The following GRIN2A variants were observed in gnomAD, a reference collection of about 807,000 sequenced individuals.
GRIN2A encodes the protein glutamate receptor ionotropic, NMDA 2A.
GRIN2A carries 22 observed loss-of-function variants against 113.4 expected under a neutral mutation model. The observed-to-expected ratio is 0.19, with a 90% CI of 0.14 to 0.28. The LOEUF is 0.28. Among genes scored for constraint, GRIN2A ranks in the 10% least tolerant of loss-of-function variants. The pLI is 1.00. For missense variants in GRIN2A, 1,502 were observed against 1,887.0 expected, an observed-to-expected ratio of 0.80 and a Z score of 3.78; for synonymous variants, 827 against 738.4, an observed-to-expected ratio of 1.12 and a Z score of -1.94.
At chr16:9,797,054 A>T (rs1903036198) in intron 11 of GRIN2A, among the ~76,000 whole-genome samples, 1 of 152,258 alleles carries the variant, frequency 6.6e-6, no homozygotes, top group African/African-American at 2.4e-5. Context: ...GAAGATAAGA[A>T]GCCACAAGTA....
At chr16:10,065,147 G>T (rs149502700) in intron 2 of GRIN2A, among the ~76,000 whole-genome samples, 4 of 152,332 alleles carry the variant, frequency 2.6e-5, no homozygotes, top group African/African-American at 7.2e-5. Flanking sequence ...ATACATGCCA[G>T]TAAGTTCTGT....
chr16:10,127,723 G>C (rs548635376), intron 2 of GRIN2A, among the ~76,000 whole-genome samples: 1 of 152,238 alleles, frequency 6.6e-6, no homozygotes, highest in East Asian at 1.9e-4. Flanking sequence ...ATGAATTCAG[G>C]CACTGGAAGC....
intron 10 of GRIN2A, among the ~76,000 whole-genome samples, chr16:9,818,755 G>A (rs556816777): frequency 3.3e-5 from 5 of 152,150 alleles, no homozygotes; most frequent in African/African-American, 1.2e-4. Context: ...ATTACACATT[G>A]TATTGGCAAA....
chr16:9,767,371 T>G (rs1274504087), intron 12 of GRIN2A, among the ~76,000 whole-genome samples: 1 of 152,226 alleles, frequency 6.6e-6, no homozygotes, highest in Non-Finnish European at 1.5e-5. Context: ...GCTTTCTCAG[T>G]AAACAATAGC....
chr16:10,182,818 G>T (rs1567357321), upstream of GRIN2A: 1 of 152,576 alleles, frequency 6.6e-6, no homozygotes, highest in Non-Finnish European at 1.5e-5. Flanking sequence ...CACTCCGGAC[G>T]GCAACTGCCC....
intron 4 of GRIN2A, among the ~76,000 whole-genome samples, chr16:9,874,945 A>T (rs2043334931): frequency 6.6e-6 from 1 of 151,684 alleles, no homozygotes; most frequent in Admixed American, 6.5e-5. Context: ...AAAATTAGGC[A>T]GGTGTGGTGG....
At position 10,084,438 on chromosome 16, in the gene GRIN2A, A is replaced by T. The variant is rs576585962; in HGVS notation, c.414+95560T>A. Reference sequence around the variant, plus strand: ...AAGACTTCCTGGAACCTGGGGTCCAACACCAAGGCCACTAAGACCAAAAGA... The same window carrying T: ...AAGACTTCCTGGAACCTGGGGTCCATCACCAAGGCCACTAAGACCAAAAGA... On this transcript the variant is annotated intron_variant, in intron 2 of 12. Coordinates refer to ENST00000330684, the MANE Select transcript of GRIN2A (RefSeq NM_001134407.3). Among the ~76,000 whole-genome samples, 81 of 152,308 alleles carry T rather than the reference A, an allele frequency of 5.3e-4. 1 individual carries two copies. The highest frequency in any genetic ancestry group is 1.9e-3 in the African/African-American group (80 of 41,564).
chr16:9,859,478 AC>A (rs562424595), intron 4 of GRIN2A, among the ~76,000 whole-genome samples: 15 of 152,032 alleles, frequency 9.9e-5, no homozygotes, highest in Non-Finnish European at 2.2e-4. Context: ...ATGAACCTCT[AC>A]ATAAAAGCAC....
chr16:9,934,724 G>GT (rs1425771608), intron 3 of GRIN2A, among the ~76,000 whole-genome samples: 12 of 111,010 alleles, frequency 1.1e-4, no homozygotes, highest in African/African-American at 1.0e-4. Flanking sequence ...AATCCTTTTT[G>GT]TTTTTTTGTT....
intron 2 of GRIN2A, among the ~76,000 whole-genome samples, chr16:9,982,808 T>C (rs1043393469): frequency 6.6e-6 from 1 of 152,182 alleles, no homozygotes; most frequent in Admixed American, 6.5e-5. Context: ...GGAAGGTTTA[T>C]CTTGTTCATT....
chr16:9,978,391 C>T (rs779938265), intron 2 of GRIN2A, among the ~76,000 whole-genome samples: 1 of 152,160 alleles, frequency 6.6e-6, no homozygotes, highest in Non-Finnish European at 1.5e-5. Flanking sequence ...TAATTCCCAG[C>T]CTTGCTGGTT....
intron 2 of GRIN2A, among the ~76,000 whole-genome samples, chr16:10,103,656 A>T (rs1377431105): frequency 6.6e-6 from 1 of 152,156 alleles, no homozygotes; most frequent in Non-Finnish European, 1.5e-5. Flanking sequence ...AAGAGAGTCC[A>T]TATGTATGCC....
intron 4 of GRIN2A, among the ~76,000 whole-genome samples, chr16:9,868,533 G>A (rs1596518974): frequency 6.6e-6 from 1 of 152,030 alleles, no homozygotes; most frequent in Non-Finnish European, 1.5e-5. Flanking sequence ...TCCCAAAGTG[G>A]TGGGATTACA....
intron 2 of GRIN2A, among the ~76,000 whole-genome samples, chr16:10,038,197 C>G (rs1179500718): frequency 1.3e-5 from 2 of 152,138 alleles, no homozygotes; most frequent in African/African-American, 4.8e-5. Flanking sequence ...CTCACTGTGT[C>G]CTCACAGTGG....
chr16:10,110,777 T>C (rs2048597940), intron 2 of GRIN2A, among the ~76,000 whole-genome samples: 2 of 152,210 alleles, frequency 1.3e-5, no homozygotes, highest in Non-Finnish European at 2.9e-5. Context: ...ACACAGATGA[T>C]GTCAGTGGCC....
In GRIN2A at chr16:9,884,900, AT is replaced by A. The variant is rs576791350; in HGVS notation, c.1122+6085del. Reference sequence around the variant, plus strand: ...GAGTAGCTGGGACTACAGGCACCTAATTTTTTTTTTGTATTTTTAGTAGAGA... The same window carrying A: ...GAGTAGCTGGGACTACAGGCACCTAATTTTTTTTTGTATTTTTAGTAGAGA... On this transcript the variant is annotated intron_variant, in intron 4 of 12. Coordinates refer to ENST00000330684, the MANE Select transcript of GRIN2A (RefSeq NM_001134407.3). 4.3e-3 allele frequency among the ~76,000 whole-genome samples: 628 copies of A among 146,636 alleles called. 2 individuals carry two copies. Among genetic ancestry groups the A allele is most frequent in the Non-Finnish European group, 7.8e-3 (515 of 66,002 alleles).
intron 2 of GRIN2A, among the ~76,000 whole-genome samples, chr16:10,088,892 C>T (rs528040933): frequency 3.3e-5 from 5 of 150,656 alleles, no homozygotes; most frequent in African/African-American, 4.8e-5. Flanking sequence ...GCTTCATTCA[C>T]CCTTTCTTTC....
At chr16:9,864,975 T>A (rs914391145) in intron 4 of GRIN2A, among the ~76,000 whole-genome samples, 1 of 152,172 alleles carries the variant, frequency 6.6e-6, no homozygotes, top group Non-Finnish European at 1.5e-5. Flanking sequence ...TGCATCGTTA[T>A]GATGAAATGC....
At chr16:9,842,984 AAAG>A (rs1254826206) in intron 5 of GRIN2A, among the ~76,000 whole-genome samples, 1 of 151,482 alleles carries the variant, frequency 6.6e-6, no homozygotes, top group Non-Finnish European at 1.5e-5. Context: ...AGAAAGAAAG[AAAG>A]AAAGAAAGAG....
Sources: gnomAD v4.1 joint callset for allele counts (sites outside exome capture counted in the v4.1 genomes callset) on GRCh38, gnomAD v4.1.1 for gene constraint, MANE v1.5 for transcripts, NCBI Gene and HGNC (gene_info 2026-07-23, HGNC 2026-07-21) for gene names.